Variants in CELF2 observed in about 807,000 individuals in gnomAD.
CELF2 encodes CUG triplet repeat RNA-binding protein 2.
A neutral mutation model predicts 62.6 loss-of-function variants in CELF2; 8 were observed. The ratio of observed to expected loss-of-function variants is 0.13; its 90% CI spans 0.07 to 0.23. CELF2 has a LOEUF of 0.23. CELF2 is among the 10% of genes least tolerant of loss of function. The pLI is 1.00. For missense variants in CELF2, 333 were observed against 671.0 expected (o/e 0.50, Z 5.56); for synonymous variants, 258 against 250.0 (o/e 1.03, Z -0.30).
chr10:10,528,029 A>G, the CELF2 span, among the ~76,000 whole-genome samples: 1 of 152,208 alleles, frequency 6.6e-6, no homozygotes, highest in Non-Finnish European at 1.5e-5. Flanking sequence ...TAAATGACCT[A>G]CCCTCAGATA....
rs1308699068 is a variant in CELF2 at position 11,208,191 on chromosome 10, T to C, written c.272-9234T>C. Among the ~76,000 whole-genome samples the C allele has an allele frequency of 2.6e-5, 4 of 152,082 alleles. No homozygotes were observed. The South Asian group carries it at 6.2e-4, about 24-fold the overall frequency. On this transcript the variant is annotated intron_variant, in intron 2 of 12. Coordinates refer to ENST00000633077, the MANE Select transcript of CELF2 (RefSeq NM_001326342.2). ...TTCCCATCTGTAAAATGGGAGGGTG[T>C]GGGGAGTTAGGCTGGTAGAACTAGT...
chr10:11,306,958 G>A lies in CELF2; in HGVS notation c.977-7181G>A, dbSNP rs774762645. Among the ~76,000 whole-genome samples the A allele has an allele frequency of 5.3e-5, 8 of 152,134 alleles. No individual in the cohort carries two copies. Among genetic ancestry groups the A allele is most frequent in the Non-Finnish European group, 5.9e-5 (4 of 68,016 alleles). The stretch of plus-strand genomic sequence containing the variant: ...CTAGGCCGCCTCCACCTCTCCTATG[G>A]CCCCCTGAGCTAGGCTGCCCCATGC... On this transcript the variant is annotated intron_variant, in intron 9 of 12. Transcript: ENST00000633077. The surrounding 1 kb of genome is among the most constrained non-coding windows in gnomAD (Gnocchi z 4.4).
chr10:10,782,781 C>T, the CELF2 span, among the ~76,000 whole-genome samples: 1 of 152,176 alleles, frequency 6.6e-6, no homozygotes, highest in Admixed American at 6.5e-5. Flanking sequence ...TTTGTGATGT[C>T]AGCTAGGTTA....
At chr10:11,068,936 C>A (rs1255937066) in intron 1 of CELF2, among the ~76,000 whole-genome samples, 1 of 152,160 alleles carries the variant, frequency 6.6e-6, no homozygotes, top group Non-Finnish European at 1.5e-5. Flanking sequence ...ACCTTTTGTA[C>A]ACCTAAGACA....
the CELF2 span, among the ~76,000 whole-genome samples, chr10:10,762,341 T>C: frequency 2.3e-3 from 353 of 152,264 alleles, 1 homozygote; most frequent in Admixed American, 3.2e-3. Context: ...GGAAAGTCAG[T>C]GCTGTAACAG....
chr10:10,568,373 A>G, the CELF2 span, among the ~76,000 whole-genome samples: 1 of 152,210 alleles, frequency 6.6e-6, no homozygotes, highest in Non-Finnish European at 1.5e-5. Flanking sequence ...ACTGCCTACA[A>G]TTGGAGGAAG....
the CELF2 span, among the ~76,000 whole-genome samples, chr10:10,639,276 C>T: frequency 6.6e-6 from 1 of 152,144 alleles, no homozygotes; most frequent in African/African-American, 2.4e-5. Flanking sequence ...GCTTATGGTG[C>T]TATCAATTAT....
At chr10:11,105,168 AC>A (rs1489255946) in intron 1 of CELF2, among the ~76,000 whole-genome samples, 3 of 152,336 alleles carry the variant, frequency 2.0e-5, no homozygotes, top group African/African-American at 4.8e-5. Context: ...TTTTCACTAA[AC>A]GAAAAACAAA....
At chr10:10,612,089 T>A in the CELF2 span, among the ~76,000 whole-genome samples, 3 of 152,206 alleles carry the variant, frequency 2.0e-5, no homozygotes, top group Non-Finnish European at 2.9e-5. Context: ...CAAGTCTACT[T>A]ATTGAAGTAT....
the CELF2 span, among the ~76,000 whole-genome samples, chr10:10,648,120 C>A: frequency 6.6e-6 from 1 of 152,286 alleles, no homozygotes; most frequent in South Asian, 2.1e-4. Flanking sequence ...CACTGCCCAC[C>A]ACCTTGCAGC....
In CELF2 at chr10:11,270,053, G is replaced by A. The variant is rs567015188; in HGVS notation, c.619-613G>A. Among the ~76,000 whole-genome samples the A allele has an allele frequency of 1.2e-4, 19 of 152,254 alleles. No homozygotes were observed. The highest frequency in any genetic ancestry group is 2.4e-4 in the African/African-American group (10 of 41,536). On this transcript the variant is annotated intron_variant, in intron 6 of 12. Transcript: ENST00000633077. This position sits in a 1 kb window ranked among gnomAD's most constrained non-coding sequence, Gnocchi z 5.8. ...AAGAGGCCTCTCTGAAAACGTGAAC[G>A]GTTACTTTGGAGAATGCCTGTGTTC... is the stretch of plus-strand genomic sequence containing the variant.
At chr10:11,218,531 A>G (rs1408207298) in intron 3 of CELF2, among the ~76,000 whole-genome samples, 3 of 152,238 alleles carry the variant, frequency 2.0e-5, no homozygotes, top group Non-Finnish European at 4.4e-5. Flanking sequence ...ACAATACAAG[A>G]TCGTAGTGGC....
chr10:10,625,619 C>T, the CELF2 span, among the ~76,000 whole-genome samples: 5 of 152,278 alleles, frequency 3.3e-5, no homozygotes, highest in East Asian at 9.6e-4. Flanking sequence ...AAACTTCTTA[C>T]TTGATCATTT....
At position 11,314,305 on chromosome 10, in the gene CELF2, C is replaced by T. The variant is rs1250083626; in HGVS notation, c.1096+47C>T. Reference sequence around the variant, plus strand: ...TGCTGCTCTGGTGGACAGCCTTCCCCCAAATTCTCCACAGAAAGTGGTCAG... The same window carrying T: ...TGCTGCTCTGGTGGACAGCCTTCCCTCAAATTCTCCACAGAAAGTGGTCAG... On this transcript the variant is annotated intron_variant, in intron 10 of 12. Transcript: ENST00000633077. This position sits in a 1 kb window ranked among gnomAD's most constrained non-coding sequence, Gnocchi z 5.3. 1.9e-6 allele frequency: 3 copies of T among 1,613,564 alleles called. No individual in the cohort carries two copies. The African/African-American group carries it at 4.0e-5, about 22-fold the overall frequency.
At chr10:10,583,118 C>T in the CELF2 span, among the ~76,000 whole-genome samples, 5 of 152,264 alleles carry the variant, frequency 3.3e-5, no homozygotes, top group South Asian at 6.2e-4. Context: ...TTCAAATATT[C>T]GAAGGCCTTG....
At chr10:10,691,605 C>T in the CELF2 span, among the ~76,000 whole-genome samples, 82 of 151,992 alleles carry the variant, frequency 5.4e-4, no homozygotes, top group African/African-American at 1.9e-3. Context: ...ATGGTTGAAT[C>T]AGTTTACAGT....
chr10:11,017,974 C>G lies in CELF2; in HGVS notation c.-116C>G. On this transcript the variant is annotated 5_prime_UTR_variant, in exon 1 of 13. Transcript: ENST00000633077. The surrounding 1 kb of genome is among the most constrained non-coding windows in gnomAD (Gnocchi z 5.5). ...GGAGAGAATGTGACAAGTGCCGGCT[C>G]GGCGGCCGCCGGGGGAGGCCGCGCG... 1 of 989,608 alleles carries G rather than the reference C, an allele frequency of 1.0e-6. No individual in the cohort carries two copies. Among genetic ancestry groups the G allele is most frequent in the Non-Finnish European group, 1.2e-6 (1 of 834,044 alleles). 61.3% of individuals were successfully genotyped at this position (989,608 alleles called of 1,614,324 possible). A position where few individuals can be genotyped will look rare whatever the true frequency, so the allele number is the denominator to read the frequency against.
At chr10:11,287,775 C>T (rs745848242) in intron 8 of CELF2, among the ~76,000 whole-genome samples, 1 of 152,230 alleles carries the variant, frequency 6.6e-6, no homozygotes, top group Non-Finnish European at 1.5e-5. Flanking sequence ...GAGCTCTTAA[C>T]GTTGTGCCAA....
the CELF2 span, among the ~76,000 whole-genome samples, chr10:10,693,204 G>A: frequency 8.3e-6 from 1 of 120,106 alleles, no homozygotes; most frequent in East Asian, 2.3e-4. Context: ...AATTTATTGA[G>A]AGTTTTTAGC....
Sources: gnomAD v4.1 joint callset for allele counts (sites outside exome capture counted in the v4.1 genomes callset) on GRCh38, gnomAD v4.1.1 for gene constraint, Gnocchi (gnomAD v3.1) non-coding constraint, MANE v1.5 for transcripts, NCBI Gene and HGNC (gene_info 2026-07-23, HGNC 2026-07-21) for gene names.